TLE3: variants seen among roughly 807,000 people sequenced by gnomAD.
TLE3 encodes the protein TLE family member 3, transcriptional corepressor, also known as transducin-like enhancer protein 3.
A neutral mutation model predicts 93.0 loss-of-function variants in TLE3; 14 were observed. That is an observed-to-expected ratio of 0.15 (90% CI 0.10 to 0.24). TLE3 has a LOEUF of 0.24. Among genes scored for constraint, TLE3 ranks in the 10% least tolerant of loss-of-function variants. The probability of loss-of-function intolerance (pLI) is 1.00; values close to 1 mark genes in which losing one functional copy is unlikely to be tolerated. For synonymous variants in TLE3, 451 were observed against 425.0 expected (o/e 1.06, Z -0.75); for missense variants, 693 against 1,046.6 (o/e 0.66, Z 4.66).
intron 4 of TLE3, among the ~76,000 whole-genome samples, chr15:70,078,482 G>A (rs1416038362): frequency 6.6e-6 from 1 of 152,266 alleles, no homozygotes; most frequent in South Asian, 2.1e-4. Flanking sequence ...ATAGAGCAGT[G>A]TCTGGCACAC....
At chr15:70,081,987 C>T (rs983099609) in intron 4 of TLE3, among the ~76,000 whole-genome samples, 2 of 152,190 alleles carry the variant, frequency 1.3e-5, no homozygotes, top group African/African-American at 4.8e-5. Flanking sequence ...CTGACTGAGT[C>T]CTTGGAGTTT....
chr15:70,080,966 G>C (rs1373219324), intron 4 of TLE3, among the ~76,000 whole-genome samples: 1 of 152,168 alleles, frequency 6.6e-6, no homozygotes, highest in Non-Finnish European at 1.5e-5. Context: ...CTGTCTGCTA[G>C]TTAGTTTTAA....
Position 70,057,642 on chromosome 15 carries a change from C to G in TLE3, c.1068G>C (p.Thr356=), listed in dbSNP as rs1261641634. 1 of 1,578,730 alleles carries G rather than the reference C, an allele frequency of 6.3e-7. No individual in the cohort carries two copies. Among genetic ancestry groups the G allele is most frequent in the South Asian group, 1.1e-5 (1 of 87,206 alleles). ...CATAGGAGCTGGTGATGGAGATGGG[C>G]GTGCGCAGAGCCGAGGCTGCGAGGG... ...GMDPIASALR[T]PISITSSYAA... The change falls in exon 13 of 20, where the codon ACG becomes ACC. Residue 356 remains threonine (T), a synonymous_variant. Transcript: ENST00000451782.
At chr15:70,096,500 G>A in intron 1 of TLE3, 1 of 1,197,432 alleles carries the variant, frequency 8.4e-7, no homozygotes, top group Non-Finnish European at 1.2e-6. Flanking sequence ...AGGCGGGGGC[G>A]GGAGACAAGC....
At chr15:70,079,608 G>A in intron 4 of TLE3, 1 of 355,092 alleles carries the variant, frequency 2.8e-6, no homozygotes, top group Non-Finnish European at 5.5e-6. Context: ...CTGAGAATGG[G>A]CTGCGTGCAC....
chr15:70,073,671 C>A (rs1458273805), intron 6 of TLE3, among the ~76,000 whole-genome samples: 3 of 152,198 alleles, frequency 2.0e-5, no homozygotes, highest in Non-Finnish European at 4.4e-5. Context: ...TCCTGTCCAC[C>A]CTCTTCATTT....
In TLE3 at chr15:70,072,698, T is replaced by C. The variant is rs948967930; in HGVS notation, c.372+1835A>G. Among the ~76,000 whole-genome samples, 3 of 152,188 alleles carry C rather than the reference T, an allele frequency of 2.0e-5. No homozygotes were observed. The East Asian group carries it at 5.8e-4, about 29-fold the overall frequency. The stretch of plus-strand genomic sequence containing the variant: ...CAAGGGCATTGAGCTAGATCAGAGG[T>C]TCTTAACCAAGGGCCATTTTGCCTC... On this transcript the variant is annotated intron_variant, in intron 6 of 19. Transcript: ENST00000451782.
chr15:70,056,980 T>C (rs2056091089), intron 13 of TLE3, among the ~76,000 whole-genome samples: 2 of 152,226 alleles, frequency 1.3e-5, no homozygotes. Flanking sequence ...CTCGATTTCC[T>C]GACCCCAGGT....
Position 70,096,860 on chromosome 15 carries a change from C to T in TLE3, c.-62G>A. 3.3e-6 allele frequency: 5 copies of T among 1,498,710 alleles called. No individual in the cohort carries two copies. Among genetic ancestry groups the T allele is most frequent in the Non-Finnish European group, 3.7e-6 (4 of 1,093,598 alleles). The allele number at this position is 1,498,710 out of a possible 1,614,324, so 92.8% of individuals were successfully genotyped here. On this transcript the variant is annotated 5_prime_UTR_variant, in exon 1 of 20. Coordinates refer to ENST00000451782, the MANE Select transcript of TLE3 (RefSeq NM_001105192.3). ...GCCGAGAGCCCGGGCCGGGGAGGTGCGGGGGAGGGGGGAGCCGAGCCCGAG... is the reference window on the plus strand; with the variant it reads ...GCCGAGAGCCCGGGCCGGGGAGGTGTGGGGGAGGGGGGAGCCGAGCCCGAG...
intron 3 of TLE3, 36 bp from the exon 4 acceptor site, chr15:70,094,612 C>A: frequency 6.9e-7 from 1 of 1,447,658 alleles, no homozygotes. Context: ...ACAGACAACA[C>A]AGAAATCTGG....
chr15:70,061,266 C>T (rs931889104), intron 8 of TLE3, among the ~76,000 whole-genome samples: 1 of 151,986 alleles, frequency 6.6e-6, no homozygotes, highest in African/African-American at 2.4e-5. Context: ...GTAAAAAAAA[C>T]AAAAATGCCA....
chr15:70,059,714 C>T (rs539718244), intron 9 of TLE3, among the ~76,000 whole-genome samples: 2 of 152,222 alleles, frequency 1.3e-5, no homozygotes, highest in Non-Finnish European at 2.9e-5. Context: ...CGCACTGACA[C>T]CCGCTCCATC....
In TLE3 at chr15:70,097,197, G is replaced by A; in HGVS notation, c.-399C>T. On this transcript the variant is annotated 5_prime_UTR_variant, in exon 1 of 20. Transcript: ENST00000451782. ...CGGGGGCCCCTCCTGGGGCGAGCTC[G>A]GGCCCCCTCCGGGTCACTCAGCGGG... 2.4e-6 allele frequency: 1 copy of A among 409,098 alleles called. No homozygotes were observed. Among genetic ancestry groups the A allele is most frequent in the Non-Finnish European group, 4.3e-6 (1 of 234,736 alleles). The allele number at this position is 409,098 out of a possible 1,614,324, so 25.3% of individuals were successfully genotyped here. A position where few individuals can be genotyped will look rare whatever the true frequency, so the allele number is the denominator to read the frequency against.
At chr15:70,085,111 C>G (rs116918372) in intron 4 of TLE3, among the ~76,000 whole-genome samples, 1,754 of 152,324 alleles carry the variant, frequency 0.012, 17 homozygotes, top group South Asian at 0.063. Context: ...AGACATACAG[C>G]ATTTCCATCA....
chr15:70,096,631 G>A (rs890529214), intron 1 of TLE3, 144 bp downstream of exon 1: 18 of 1,546,690 alleles, frequency 1.2e-5, no homozygotes, highest in Non-Finnish European at 1.4e-5. Flanking sequence ...GGCGCCCCCC[G>A]GCCGCATCCC....
chr15:70,090,228 G>A lies in TLE3; in HGVS notation c.234+4304C>T, dbSNP rs116042916. Among the ~76,000 whole-genome samples the A allele has an allele frequency of 4.4e-3, 670 of 151,550 alleles. 4 individuals carry two copies. Among genetic ancestry groups the A allele is most frequent in the African/African-American group, 0.015 (638 of 41,394 alleles). ...AGGCACCCACTCAGTGAGAGGACTC[G>A]TGATTACAGTCTGTTCCAGGGAAGA... On this transcript the variant is annotated intron_variant, in intron 4 of 19. Transcript: ENST00000451782.
At chr15:70,055,557 T>C in intron 14 of TLE3, 1 of 406,788 alleles carries the variant, frequency 2.5e-6, no homozygotes. Context: ...ACAGGTGTCC[T>C]GGAATGCCCT....
Position 70,053,287 on chromosome 15 carries a change from C to A in TLE3, c.1914G>T (p.Thr638=). The change falls in exon 17 of 20, where the codon ACG becomes ACT. Residue 638 remains threonine (T), a synonymous_variant. Transcript: ENST00000451782. The stretch of plus-strand genomic sequence containing the variant: ...CCTCCCGCAGGTCCCAGGAGCGCAC[C>A]GTGTTGTCCAGGCCCCCTGTCCACA... ...TKLWTGGLDN[T]VRSWDLREGR... 6.2e-7 allele frequency: 1 copy of A among 1,607,082 alleles called. No individual in the cohort carries two copies. The highest frequency in any genetic ancestry group is 8.5e-7 in the Non-Finnish European group (1 of 1,176,478).
intron 4 of TLE3, among the ~76,000 whole-genome samples, chr15:70,079,970 A>G (rs1219689560): frequency 6.6e-6 from 1 of 152,124 alleles, no homozygotes; most frequent in Non-Finnish European, 1.5e-5. Context: ...ACCACCATTA[A>G]GGTTAATAAT....
Sources: allele counts gnomAD v4.1 joint callset (sites outside exome capture counted in the v4.1 genomes callset), GRCh38; gene constraint gnomAD v4.1.1; transcripts MANE v1.5; gene names NCBI Gene and HGNC (gene_info 2026-07-23, HGNC 2026-07-21).